Variants in HSD17B12 observed in about 807,000 individuals in gnomAD.
HSD17B12 encodes the protein hydroxysteroid 17-beta dehydrogenase 12.
Under a neutral mutation model 39.3 loss-of-function variants are expected in HSD17B12, and 32 were observed. That is an observed-to-expected ratio of 0.81 (90% CI 0.61 to 1.09). The LOEUF is 1.09. HSD17B12 is among the 50% of genes least tolerant of loss of function. The pLI is 0.00. For missense variants in HSD17B12, 342 were observed against 382.9 expected (o/e 0.89, Z 0.89); for synonymous variants, 150 against 146.7 (o/e 1.02, Z -0.16).
the HSD17B12 span, among the ~76,000 whole-genome samples, chr11:43,607,403 A>G: frequency 6.6e-6 from 1 of 152,106 alleles, no homozygotes; most frequent in African/African-American, 2.4e-5. Flanking sequence ...CATTCAGTTA[A>G]GCTCAAGCAC....
At chr11:43,621,745 G>A in the HSD17B12 span, among the ~76,000 whole-genome samples, 7 of 152,110 alleles carry the variant, frequency 4.6e-5, no homozygotes, top group Non-Finnish European at 8.8e-5. Flanking sequence ...TTCCAAATTC[G>A]TAAACTTATT....
At chr11:43,589,788 T>G in the HSD17B12 span, among the ~76,000 whole-genome samples, 1 of 152,134 alleles carries the variant, frequency 6.6e-6, no homozygotes, top group African/African-American at 2.4e-5. Context: ...GAACAATGGG[T>G]TTTGAAGACC....
chr11:43,758,586 A>G lies in HSD17B12; in HGVS notation c.283+4465A>G, dbSNP rs538570739. ...AAGGTGAACTCCATGGCTATAAAAC[A>G]TAAAACTTTTTACTGGGGCTACCAC... On this transcript the variant is annotated intron_variant, in intron 3 of 10. Transcript: ENST00000278353. Among the ~76,000 whole-genome samples the G allele has an allele frequency of 9.8e-5, 15 of 152,312 alleles. No homozygotes were observed. In the East Asian group the frequency reaches 2.9e-3, roughly 29 times the overall value.
chr11:43,627,131 T>G, the HSD17B12 span, among the ~76,000 whole-genome samples: 12 of 152,000 alleles, frequency 7.9e-5, no homozygotes, highest in African/African-American at 2.9e-4. Context: ...CAGAAATTGG[T>G]TTTATAGTAA....
the HSD17B12 span, among the ~76,000 whole-genome samples, chr11:43,672,172 C>T: frequency 1.3e-5 from 2 of 152,176 alleles, no homozygotes; most frequent in East Asian, 3.9e-4. Context: ...CCTCAGCCTC[C>T]CAAGTAGCTG....
rs1192716145 is a variant in HSD17B12 at position 43,830,984 on chromosome 11, A to G, written c.510A>G (p.Gln170=). ...TGCTTTCTCTCTTGCAGATGACACA[A>G]TTGGTACTGCCTGGCATGGTGGAAA... ...INILSVCKMT[Q]LVLPGMVERS... The change falls in exon 7 of 11, where the codon CAA becomes CAG. Residue 170 remains glutamine, a synonymous_variant. Coordinates refer to ENST00000278353, the MANE Select transcript of HSD17B12 (RefSeq NM_016142.3). 3 of 1,607,498 alleles carry G rather than the reference A, an allele frequency of 1.9e-6. No individual in the cohort carries two copies. Among genetic ancestry groups the G allele is most frequent in the Non-Finnish European group, 2.5e-6 (3 of 1,176,824 alleles).
chr11:43,581,673 C>A, the HSD17B12 span, among the ~76,000 whole-genome samples: 2 of 152,090 alleles, frequency 1.3e-5, no homozygotes, highest in African/African-American at 2.4e-5. This position sits in a 1 kb window ranked among gnomAD's most constrained non-coding sequence, Gnocchi z 4.9. Flanking sequence ...CCGCCCCCAA[C>A]TTTTTAACAG....
chr11:43,699,967 C>T (rs1182439184), intron 1 of HSD17B12, among the ~76,000 whole-genome samples: 1 of 152,182 alleles, frequency 6.6e-6, no homozygotes, highest in Non-Finnish European at 1.5e-5. Context: ...CATTATCAAG[C>T]ACTGTGGCCC....
chr11:43,633,259 C>T, the HSD17B12 span, among the ~76,000 whole-genome samples: 3 of 152,318 alleles, frequency 2.0e-5, no homozygotes, highest in South Asian at 2.1e-4. Context: ...AGGCCAGGCA[C>T]GTTGGCTCCC....
chr11:43,834,679 CAATT>C lies in HSD17B12; in HGVS notation c.537-3635_537-3632del, dbSNP rs1436257451. ...GGCAATTTTTTTTTAATCCAGGTGA[CAATT>C]AAGGGAGTCTTATTGGGAATTTCAC... On this transcript the variant is annotated intron_variant, in intron 7 of 10. Transcript: ENST00000278353. Among the ~76,000 whole-genome samples, 3 of 151,724 alleles carry C rather than the reference CAATT, an allele frequency of 2.0e-5. No individual in the cohort carries two copies. The East Asian group carries it at 5.8e-4, about 29-fold the overall frequency.
At chr11:43,648,997 G>T in the HSD17B12 span, among the ~76,000 whole-genome samples, 3 of 152,238 alleles carry the variant, frequency 2.0e-5, no homozygotes, top group African/African-American at 7.2e-5. Flanking sequence ...CTGCCAATGT[G>T]CTGGGATCAC....
chr11:43,725,237 G>T (rs1950210714), intron 1 of HSD17B12, among the ~76,000 whole-genome samples: 1 of 152,186 alleles, frequency 6.6e-6, no homozygotes, highest in African/African-American at 2.4e-5. Flanking sequence ...AAACTGTTCA[G>T]CTTTTCTGAG....
chr11:43,745,220 A>G (rs1398275518), intron 1 of HSD17B12, among the ~76,000 whole-genome samples: 1 of 152,248 alleles, frequency 6.6e-6, no homozygotes, highest in African/African-American at 2.4e-5. Flanking sequence ...TTTTAGTTTT[A>G]TGGTATGCTG....
chr11:43,655,705 G>A, the HSD17B12 span, among the ~76,000 whole-genome samples: 9 of 152,090 alleles, frequency 5.9e-5, no homozygotes, highest in African/African-American at 1.9e-4. Context: ...GCTGGATTAC[G>A]TTTATTGATT....
intron 4 of HSD17B12, among the ~76,000 whole-genome samples, chr11:43,800,130 G>A (rs923815682): frequency 6.6e-6 from 1 of 152,110 alleles, no homozygotes; most frequent in Admixed American, 6.5e-5. Context: ...CCTTCACCTA[G>A]ATCTGGAATA....
intron 1 of HSD17B12, among the ~76,000 whole-genome samples, chr11:43,740,964 CACATTGTATCTT>C (rs1405204723): frequency 3.9e-5 from 6 of 152,198 alleles, no homozygotes; most frequent in South Asian, 2.1e-4. Context: ...GTAGTTTTTG[CACATTGTATCTT>C]ATCATTTCAG....
At chr11:43,774,374 C>T (rs1448028796) in intron 3 of HSD17B12, among the ~76,000 whole-genome samples, 1 of 152,064 alleles carries the variant, frequency 6.6e-6, no homozygotes, top group Non-Finnish European at 1.5e-5. Context: ...CCATCACGCC[C>T]AGCTAATTTT....
chr11:43,632,278 C>G, the HSD17B12 span, among the ~76,000 whole-genome samples: 5 of 152,268 alleles, frequency 3.3e-5, no homozygotes, highest in East Asian at 3.9e-4. Flanking sequence ...GAGGACTCTT[C>G]CAACGTGAAG....
the HSD17B12 span, among the ~76,000 whole-genome samples, chr11:43,649,320 A>C: frequency 6.6e-6 from 1 of 152,010 alleles, no homozygotes; most frequent in African/African-American, 2.4e-5. Flanking sequence ...TATATATATA[A>C]TATCATATTA....
Sources: gnomAD v4.1 joint callset for allele counts (sites outside exome capture counted in the v4.1 genomes callset) on GRCh38, gnomAD v4.1.1 for gene constraint, Gnocchi (gnomAD v3.1) non-coding constraint, MANE v1.5 for transcripts, NCBI Gene and HGNC (gene_info 2026-07-23, HGNC 2026-07-21) for gene names.